Variants in TBC1D14 observed in about 807,000 individuals in gnomAD.
The protein encoded by TBC1D14 is TBC1 domain family, member 14.
TBC1D14 carries 26 observed loss-of-function variants against 79.0 expected under a neutral mutation model. That is an observed-to-expected ratio of 0.33 (90% CI 0.24 to 0.46). TBC1D14 has a LOEUF of 0.46. TBC1D14 is among the 20% of genes least tolerant of loss of function. The pLI is 1.00. For synonymous variants in TBC1D14, 394 were observed against 349.9 expected (o/e 1.13, Z -1.40); for missense variants, 769 against 887.6 (o/e 0.87, Z 1.70).
In TBC1D14 at chr4:7,030,472, G is replaced by C; in HGVS notation, c.*80G>C. 2 of 1,460,756 alleles carry C rather than the reference G, an allele frequency of 1.4e-6. No homozygotes were observed. 90.5% of individuals were successfully genotyped at this position (1,460,756 alleles called of 1,614,324 possible). On this transcript the variant is annotated 3_prime_UTR_variant, in exon 14 of 14. Coordinates refer to ENST00000409757, the MANE Select transcript of TBC1D14 (RefSeq NM_020773.3). The stretch of plus-strand genomic sequence containing the variant: ...TCTGTTGTTTCAGACTGACACCCGG[G>C]CAGCCGAGAAGAACAGACGCTCTTT...
intron 3 of TBC1D14, among the ~76,000 whole-genome samples, chr4:6,984,827 T>C (rs1157497576): frequency 6.6e-6 from 1 of 152,206 alleles, no homozygotes; most frequent in Non-Finnish European, 1.5e-5. Context: ...TAGCCTGTGA[T>C]TGTAAGGAGG....
intron 7 of TBC1D14, among the ~76,000 whole-genome samples, chr4:7,003,056 G>A (rs754122910): frequency 6.6e-6 from 1 of 152,108 alleles, no homozygotes; most frequent in Non-Finnish European, 1.5e-5. Context: ...TTGTACAATT[G>A]AAAACTTAGT....
intron 13 of TBC1D14, among the ~76,000 whole-genome samples, chr4:7,025,741 G>A (rs1027219518): frequency 2.0e-5 from 3 of 152,234 alleles, no homozygotes; most frequent in Non-Finnish European, 2.9e-5. Flanking sequence ...AGAGGAGGGC[G>A]CGGGTCCCTC....
intron 2 of TBC1D14, among the ~76,000 whole-genome samples, chr4:6,959,181 G>A (rs964210799): frequency 3.3e-5 from 5 of 152,116 alleles, no homozygotes; most frequent in East Asian, 1.9e-4. Context: ...CACCGCGCCC[G>A]GCCGAGGATG....
At chr4:7,016,182 C>T (rs565838828) in intron 12 of TBC1D14, among the ~76,000 whole-genome samples, 4 of 152,304 alleles carry the variant, frequency 2.6e-5, no homozygotes, top group East Asian at 1.9e-4. Context: ...CTATGAAGGA[C>T]GAGGGTTTTG....
chr4:6,913,408 G>GCAA (rs1422296545), intron 1 of TBC1D14, among the ~76,000 whole-genome samples: 1 of 152,228 alleles, frequency 6.6e-6, no homozygotes, highest in African/African-American at 2.4e-5. Context: ...TACCTTTTGG[G>GCAA]CAACATTAAG....
intron 2 of TBC1D14, among the ~76,000 whole-genome samples, chr4:6,930,996 G>C (rs1433253845): frequency 6.6e-6 from 1 of 152,000 alleles, no homozygotes; most frequent in Non-Finnish European, 1.5e-5. Flanking sequence ...TGCCTCCCGG[G>C]TTCAAACGCT....
At position 7,031,819 on chromosome 4, in the gene TBC1D14, C is replaced by G. The variant is rs1014387057; in HGVS notation, c.*1427C>G. 1 of 152,394 alleles carries G rather than the reference C, an allele frequency of 6.6e-6. No individual in the cohort carries two copies. Among genetic ancestry groups the G allele is most frequent in the Admixed American group, 6.5e-5 (1 of 15,284 alleles). 9.4% of individuals were successfully genotyped at this position (152,394 alleles called of 1,614,324 possible). ...CCAGGGGGTGCCCCCAGGCTGATCT[C>G]ATTTCTGATGTTGAGGGCTGTTTGG... On this transcript the variant is annotated 3_prime_UTR_variant, in exon 14 of 14. Transcript: ENST00000409757.
intron 2 of TBC1D14, among the ~76,000 whole-genome samples, chr4:6,940,811 G>C (rs1466332977): frequency 6.6e-6 from 1 of 152,218 alleles, no homozygotes; most frequent in Non-Finnish European, 1.5e-5. Context: ...TCTCCGAGCT[G>C]GCAGCCAGGA....
At chr4:6,990,167 G>C (rs1431804288) in intron 3 of TBC1D14, among the ~76,000 whole-genome samples, 1 of 152,118 alleles carries the variant, frequency 6.6e-6, no homozygotes, top group Non-Finnish European at 1.5e-5. Context: ...TTCCTTCTGG[G>C]GGCTGGGTGC....
chr4:6,979,414 C>T (rs906946972), intron 3 of TBC1D14, among the ~76,000 whole-genome samples: 5 of 152,106 alleles, frequency 3.3e-5, no homozygotes, highest in African/African-American at 1.2e-4. Flanking sequence ...TTACTTGAAG[C>T]CAGGAGTTCC....
intron 3 of TBC1D14, among the ~76,000 whole-genome samples, chr4:6,972,992 G>A (rs990428987): frequency 5.9e-5 from 9 of 152,210 alleles, no homozygotes; most frequent in Non-Finnish European, 1.2e-4. Flanking sequence ...TGACGTCGTT[G>A]TTGGAAATGA....
chr4:7,002,927 C>T (rs1321126121), intron 7 of TBC1D14, among the ~76,000 whole-genome samples: 1 of 152,178 alleles, frequency 6.6e-6, no homozygotes, highest in Non-Finnish European at 1.5e-5. Flanking sequence ...CCTGGAAAGG[C>T]TAGGACTGTG....
chr4:6,955,406 T>C (rs559328837), intron 2 of TBC1D14, among the ~76,000 whole-genome samples: 14 of 152,232 alleles, frequency 9.2e-5, no homozygotes, highest in Admixed American at 8.5e-4. Context: ...GTAATACCTT[T>C]CTTGTAGGGT....
intron 12 of TBC1D14, among the ~76,000 whole-genome samples, chr4:7,017,450 G>A (rs921720786): frequency 2.1e-4 from 32 of 152,204 alleles, no homozygotes; most frequent in African/African-American, 7.7e-4. Flanking sequence ...CCTTTCTAAG[G>A]GGGTTTGTGT....
At chr4:6,926,312 A>G (rs1724293598) in intron 2 of TBC1D14, among the ~76,000 whole-genome samples, 1 of 152,238 alleles carries the variant, frequency 6.6e-6, no homozygotes, top group Admixed American at 6.5e-5. Context: ...TGTGGCGATC[A>G]TGGCCACGTT....
intron 3 of TBC1D14, 106 bp from the exon 4 acceptor site, chr4:6,994,078 C>G: frequency 1.0e-6 from 1 of 994,568 alleles, no homozygotes; most frequent in Non-Finnish European, 1.6e-6. Context: ...GAATTGTCCT[C>G]GAAATTGGCT....
intron 9 of TBC1D14, among the ~76,000 whole-genome samples, chr4:7,007,810 G>C (rs1284397804): frequency 1.3e-5 from 2 of 152,202 alleles, no homozygotes; most frequent in Non-Finnish European, 2.9e-5. Context: ...CTCTCTTGGA[G>C]CTGCTCCTGT....
chr4:6,916,107 CAA>C (rs200515074), intron 1 of TBC1D14, among the ~76,000 whole-genome samples: 2,409 of 140,264 alleles, frequency 0.017, 81 homozygotes, highest in African/African-American at 0.061. Flanking sequence ...GCCTGGGCAA[CAA>C]GAGCAAAGCT....
Sources: gnomAD v4.1 joint callset for allele counts (sites outside exome capture counted in the v4.1 genomes callset) on GRCh38, gnomAD v4.1.1 for gene constraint, MANE v1.5 for transcripts, NCBI Gene and HGNC (gene_info 2026-07-23, HGNC 2026-07-21) for gene names.